IL7: variants seen among roughly 807,000 people sequenced by gnomAD.
IL7 encodes the protein interleukin-7.
In IL7, 3 loss-of-function variants were observed where a neutral mutation model predicts 21.6. That is an observed-to-expected ratio of 0.14 (90% confidence interval 0.06 to 0.36). The LOEUF is 0.36. IL7 is among the 10% of genes least tolerant of loss of function. The probability of loss-of-function intolerance (pLI) is 1.00; values close to 1 mark genes in which losing one functional copy is unlikely to be tolerated. For missense variants in IL7, 175 were observed against 200.2 expected (o/e 0.87, Z 0.76); for synonymous variants, 62 against 68.1 (o/e 0.91, Z 0.44).
intron 4 of IL7, among the ~76,000 whole-genome samples, chr8:78,684,493 G>A (rs563469481): frequency 3.3e-5 from 5 of 152,340 alleles, no homozygotes; most frequent in Non-Finnish European, 7.3e-5. Flanking sequence ...AACAGGTGGA[G>A]TTTATGGGAG....
At chr8:78,719,705 T>C (rs1242030583) in intron 5 of IL7, 1 of 151,738 alleles carries the variant, frequency 6.6e-6, no homozygotes. Context: ...TTGTTTTTTG[T>C]TTTTTCACCA....
chr8:78,704,429 A>G (rs988433047), intron 3 of IL7, among the ~76,000 whole-genome samples: 1 of 151,650 alleles, frequency 6.6e-6, no homozygotes, highest in African/African-American at 2.4e-5. Flanking sequence ...TTGGTCCCCA[A>G]TATCTTCTGG....
At chr8:78,738,013 A>G (rs1811651168) in intron 4 of IL7, among the ~76,000 whole-genome samples, 1 of 152,142 alleles carries the variant, frequency 6.6e-6, no homozygotes, top group African/African-American at 2.4e-5. Flanking sequence ...CACTAGTAGA[A>G]AAGTAGGAAA....
intron 3 of IL7, chr8:78,724,065 T>A (rs1203622195): frequency 6.3e-6 from 1 of 158,898 alleles, no homozygotes; most frequent in Non-Finnish European, 1.5e-5. Context: ...CTAAAAGGTG[T>A]TTGAAGATGA....
chr8:78,772,252 C>A (rs1812982374), intron 2 of IL7, among the ~76,000 whole-genome samples: 1 of 152,090 alleles, frequency 6.6e-6, no homozygotes, highest in African/African-American at 2.4e-5. Context: ...TTTCAATCAA[C>A]AGAATTTAAT....
chr8:78,791,744 C>A (rs1049711383), intron 2 of IL7, among the ~76,000 whole-genome samples: 4 of 151,974 alleles, frequency 2.6e-5, no homozygotes, highest in African/African-American at 9.7e-5. Context: ...ATCTTGAGAG[C>A]TATAAGGAAG....
At chr8:78,684,148 G>A (rs963679752) in intron 4 of IL7, among the ~76,000 whole-genome samples, 2 of 151,988 alleles carry the variant, frequency 1.3e-5, no homozygotes, top group African/African-American at 2.4e-5. Context: ...CACATTTTGG[G>A]GTATCTTAAT....
At chr8:78,708,683 C>CTTT (rs1192881506) in intron 3 of IL7, among the ~76,000 whole-genome samples, 2 of 121,040 alleles carry the variant, frequency 1.7e-5, no homozygotes, top group African/African-American at 2.9e-5. Flanking sequence ...TTTTTTTTTT[C>CTTT]TTTTTTTTTT....
intron 1 of IL7, among the ~76,000 whole-genome samples, chr8:78,803,726 T>G (rs1035619305): frequency 6.6e-6 from 1 of 152,180 alleles, no homozygotes; most frequent in African/African-American, 2.4e-5. Flanking sequence ...ACTATGGGCA[T>G]TGCAAGGAAA....
At chr8:78,782,798 T>G (rs1813380754) in intron 2 of IL7, among the ~76,000 whole-genome samples, 1 of 152,058 alleles carries the variant, frequency 6.6e-6, no homozygotes, top group Non-Finnish European at 1.5e-5. Flanking sequence ...CTAAGTCTGC[T>G]GATCCACAGA....
intron 3 of IL7, chr8:78,689,337 A>G (rs1810130705): frequency 1.2e-6 from 2 of 1,601,132 alleles, no homozygotes; most frequent in African/African-American, 1.3e-5. Flanking sequence ...AATTTTCTAC[A>G]GATACCAAAG....
intron 5 of IL7, among the ~76,000 whole-genome samples, chr8:78,720,724 TTAA>T (rs1404805890): frequency 1.3e-5 from 2 of 152,040 alleles, no homozygotes; most frequent in East Asian, 3.9e-4. Context: ...ATAGAGATAT[TTAA>T]TAATTACACT....
chr8:78,763,840 T>A lies in IL7; in HGVS notation c.148-23758A>T, dbSNP rs1187737535. 2.0e-5 allele frequency among the ~76,000 whole-genome samples: 3 copies of A among 152,234 alleles called. No homozygotes were observed. In the East Asian group the frequency reaches 5.8e-4, roughly 29 times the overall value. ...TCAACTCATTCTATAAGGCCAGCAT[T>A]ACCCTAATATCAAAAATCAAAGACA... On this transcript the variant is annotated intron_variant, in intron 2 of 5. Coordinates refer to ENST00000263851, the MANE Select transcript of IL7 (RefSeq NM_000880.4).
intron 2 of IL7, among the ~76,000 whole-genome samples, chr8:78,750,670 A>G (rs1812136408): frequency 6.6e-6 from 1 of 152,098 alleles, no homozygotes; most frequent in Non-Finnish European, 1.5e-5. Context: ...AAAAATACCA[A>G]AAAATTAGCT....
At chr8:78,778,574 G>T (rs1813208388) in intron 2 of IL7, among the ~76,000 whole-genome samples, 1 of 152,092 alleles carries the variant, frequency 6.6e-6, no homozygotes, top group Admixed American at 6.6e-5. Flanking sequence ...TTCTTTGTGA[G>T]GTCTCTATTC....
At chr8:78,732,336 G>C (rs1811440797), downstream of IL7, among the ~76,000 whole-genome samples, 1 of 152,088 alleles carries the variant, frequency 6.6e-6, no homozygotes, top group African/African-American at 2.4e-5. Context: ...CACCAGTGAA[G>C]GTGAAATGTC....
chr8:78,736,819 A>C (rs1409753057), intron 4 of IL7, among the ~76,000 whole-genome samples: 4 of 152,168 alleles, frequency 2.6e-5, no homozygotes, highest in Non-Finnish European at 2.9e-5. Flanking sequence ...ATAGTAGGGT[A>C]TAGTAGCAGA....
intron 5 of IL7, among the ~76,000 whole-genome samples, chr8:78,735,732 CAG>C (rs369555384): frequency 0.011 from 1,606 of 152,272 alleles, 13 homozygotes; most frequent in Non-Finnish European, 0.017. Context: ...TCCTAAATCT[CAG>C]AGTGTACAGG....
intron 2 of IL7, among the ~76,000 whole-genome samples, chr8:78,747,565 G>T (rs1259155499): frequency 6.6e-6 from 1 of 152,130 alleles, no homozygotes; most frequent in African/African-American, 2.4e-5. Context: ...TTTGAAAAAG[G>T]TGTATATTGT....
Sources: allele counts gnomAD v4.1 joint callset (sites outside exome capture counted in the v4.1 genomes callset), GRCh38; gene constraint gnomAD v4.1.1; transcripts MANE v1.5; gene names NCBI Gene and HGNC (gene_info 2026-07-23, HGNC 2026-07-21).